The following GIPC2 variants were observed in gnomAD, a reference collection of about 807,000 sequenced individuals.
GIPC2 encodes the protein GIPC PDZ domain containing family member 2, also known as PDZ domain-containing protein GIPC2.
In GIPC2, 30 loss-of-function variants were observed where a neutral mutation model predicts 30.6. The ratio of observed to expected loss-of-function variants is 0.98; its 90% CI spans 0.73 to 1.33. The LOEUF (loss-of-function observed/expected upper bound fraction) is 1.33, where lower values mean the gene tolerates loss of function less well. GIPC2 is among the 40% of genes most tolerant of loss of function. The probability of loss-of-function intolerance (pLI) is 0.00; values close to 1 mark genes in which losing one functional copy is unlikely to be tolerated. For synonymous variants in GIPC2, 167 were observed against 150.0 expected, an observed-to-expected ratio of 1.11 and a Z score of -0.83; for missense variants, 414 against 390.3, an observed-to-expected ratio of 1.06 and a Z score of -0.51.
intron 1 of GIPC2, among the ~76,000 whole-genome samples, chr1:78,064,607 A>T (rs1188220762): frequency 6.6e-6 from 1 of 152,170 alleles, no homozygotes; most frequent in African/African-American, 2.4e-5. Flanking sequence ...TAAGAGGGCG[A>T]ACAAGGAGAA....
chr1:78,080,760 C>G lies in GIPC2; in HGVS notation c.326C>G (p.Ala109Gly). The G allele has an allele frequency of 6.2e-7, 1 of 1,607,002 alleles. No homozygotes were observed. Among genetic ancestry groups the G allele is most frequent in the Non-Finnish European group, 8.5e-7 (1 of 1,173,716 alleles). Residue 109 changes from alanine to glycine, a missense_variant, in exon 2 of 6, where the codon GCC becomes GGC. Coordinates refer to ENST00000370759, the MANE Select transcript of GIPC2 (RefSeq NM_017655.6). Reference protein sequence around the residue: ...GQLGLEDFIFAHVKGIEKEVN... With the variant: ...GQLGLEDFIFGHVKGIEKEVN... Reference sequence around the variant, plus strand: ...CTAGGACTAGAAGATTTCATATTTGCCCATGTGAAAGGAATCGAAAAAGAA... The same window carrying G: ...CTAGGACTAGAAGATTTCATATTTGGCCATGTGAAAGGAATCGAAAAAGAA...
At chr1:78,112,025 C>G (rs184737233) in intron 3 of GIPC2, among the ~76,000 whole-genome samples, 243 of 152,304 alleles carry the variant, frequency 1.6e-3, no homozygotes, top group Admixed American at 3.3e-3. Context: ...CATTTGAAAA[C>G]AGAGTGATGG....
At chr1:78,045,369 A>C (rs76296542), upstream of GIPC2, among the ~76,000 whole-genome samples, 774 of 152,308 alleles carry the variant, frequency 5.1e-3, 47 homozygotes, top group East Asian at 0.12. Flanking sequence ...CTTCACACCG[A>C]ATGGCCTCAA....
At chr1:78,121,555 G>T (rs1662683691) in intron 4 of GIPC2, among the ~76,000 whole-genome samples, 1 of 152,258 alleles carries the variant, frequency 6.6e-6, no homozygotes. Flanking sequence ...GAATGTCGAG[G>T]CACCCACGGT....
At chr1:78,053,082 G>C (rs776415252) in intron 1 of GIPC2, among the ~76,000 whole-genome samples, 10 of 152,180 alleles carry the variant, frequency 6.6e-5, no homozygotes, top group African/African-American at 1.4e-4. Flanking sequence ...AAAGAATTGG[G>C]AATTGGGTGT....
chr1:78,117,809 A>G (rs1662596517), intron 3 of GIPC2, among the ~76,000 whole-genome samples: 3 of 152,154 alleles, frequency 2.0e-5, no homozygotes, highest in African/African-American at 7.2e-5. Context: ...TCTGACCCAT[A>G]GATCTCTTTT....
At chr1:78,074,853 G>A (rs368771372) in intron 1 of GIPC2, among the ~76,000 whole-genome samples, 5 of 152,234 alleles carry the variant, frequency 3.3e-5, no homozygotes, top group Admixed American at 2.6e-4. Flanking sequence ...ATACCTCAGC[G>A]TATTAAAAGA....
At position 78,104,876 on chromosome 1, in the gene GIPC2, A is replaced by G. The variant is rs114074262; in HGVS notation, c.607+9744A>G. Among the ~76,000 whole-genome samples, 134 of 152,336 alleles carry G rather than the reference A, an allele frequency of 8.8e-4. 1 individual carries two copies. The highest frequency in any genetic ancestry group is 3.4e-3 in the Middle Eastern group (1 of 294). ...GTATTTTTTGGCAAAGTAAGTGTAC[A>G]CAGTGACAGATTTTGAGGGGCAGAG... On this transcript the variant is annotated intron_variant, in intron 3 of 5. Transcript: ENST00000370759.
chr1:78,083,925 A>C (rs1661878885), intron 2 of GIPC2, among the ~76,000 whole-genome samples: 1 of 152,154 alleles, frequency 6.6e-6, no homozygotes, highest in African/African-American at 2.4e-5. Context: ...CCTAGAATCA[A>C]CTATTTCTCT....
At chr1:78,079,370 G>A (rs1661784264) in intron 1 of GIPC2, among the ~76,000 whole-genome samples, 1 of 152,138 alleles carries the variant, frequency 6.6e-6, no homozygotes, top group African/African-American at 2.4e-5. Flanking sequence ...ATTTTATGAA[G>A]CTCTTCTGAT....
chr1:78,046,546 C>G (rs996953616), intron 1 of GIPC2, among the ~76,000 whole-genome samples: 44 of 152,132 alleles, frequency 2.9e-4, no homozygotes, highest in African/African-American at 9.9e-4. Flanking sequence ...AGTCACAGTC[C>G]CCCTTGCTCC....
chr1:78,065,559 A>G (rs1245414574), intron 1 of GIPC2, among the ~76,000 whole-genome samples: 2 of 152,158 alleles, frequency 1.3e-5, no homozygotes, highest in Non-Finnish European at 2.9e-5. Context: ...TTTAAAATTC[A>G]TATGGAAAGA....
intron 4 of GIPC2, among the ~76,000 whole-genome samples, chr1:78,123,008 C>T (rs1662712048): frequency 6.6e-6 from 1 of 151,920 alleles, no homozygotes; most frequent in South Asian, 2.1e-4. Flanking sequence ...GCCTGTAATC[C>T]CAGAACTTTG....
At chr1:78,108,905 C>T (rs1359252543) in intron 3 of GIPC2, among the ~76,000 whole-genome samples, 1 of 152,174 alleles carries the variant, frequency 6.6e-6, no homozygotes, top group Non-Finnish European at 1.5e-5. Context: ...GTAAACCCTA[C>T]TAAACTGGCT....
intron 2 of GIPC2, among the ~76,000 whole-genome samples, chr1:78,085,554 T>C (rs1289421625): frequency 1.4e-5 from 2 of 140,040 alleles, no homozygotes; most frequent in Non-Finnish European, 3.1e-5. Flanking sequence ...GGTTCTAGGC[T>C]TTTTTTTTTT....
intron 1 of GIPC2, among the ~76,000 whole-genome samples, chr1:78,052,413 G>C (rs967696626): frequency 2.0e-5 from 3 of 152,118 alleles, no homozygotes; most frequent in Non-Finnish European, 4.4e-5. Flanking sequence ...TATTATAGTT[G>C]GAGTTTAAAA....
chr1:78,092,103 G>C, intron 2 of GIPC2: 1 of 1,207,990 alleles, frequency 8.3e-7, no homozygotes, highest in South Asian at 1.2e-5. Flanking sequence ...GGTGGCCTGT[G>C]GTATATGGAA....
At chr1:78,069,892 T>C (rs943308961) in intron 1 of GIPC2, among the ~76,000 whole-genome samples, 10 of 152,242 alleles carry the variant, frequency 6.6e-5, no homozygotes, top group African/African-American at 2.4e-4. Context: ...AGTGCTCATC[T>C]CTTTCTGTCA....
At chr1:78,076,913 C>T (rs1034719843) in intron 1 of GIPC2, among the ~76,000 whole-genome samples, 2 of 151,934 alleles carry the variant, frequency 1.3e-5, no homozygotes, top group South Asian at 2.1e-4. Context: ...GGATTACAGG[C>T]ACCTGCCACC....
Sources: allele counts gnomAD v4.1 joint callset (sites outside exome capture counted in the v4.1 genomes callset), GRCh38; gene constraint gnomAD v4.1.1; transcripts MANE v1.5; gene names NCBI Gene and HGNC (gene_info 2026-07-23, HGNC 2026-07-21).